Variants in ABCC4 observed in about 807,000 individuals in gnomAD.
ABCC4 encodes the protein ATP binding cassette subfamily C member 4 (PEL blood group), also known as ATP-binding cassette sub-family C member 4.
ABCC4 carries 102 observed loss-of-function variants against 168.5 expected under a neutral mutation model. That is an observed-to-expected ratio of 0.61 (90% CI 0.52 to 0.71). ABCC4 has a LOEUF of 0.71. Ranked by LOEUF, ABCC4 falls within the 30% of genes least tolerant of loss-of-function variation. The probability of loss-of-function intolerance (pLI) is 0.00; values close to 1 mark genes in which losing one functional copy is unlikely to be tolerated. For synonymous variants in ABCC4, 617 were observed against 590.7 expected, an observed-to-expected ratio of 1.04 and a Z score of -0.65; for missense variants, 1,402 against 1,605.8, an observed-to-expected ratio of 0.87 and a Z score of 2.17.
chr13:95,184,759 C>T (rs950582256), intron 11 of ABCC4, among the ~76,000 whole-genome samples: 10 of 152,192 alleles, frequency 6.6e-5, no homozygotes, highest in African/African-American at 2.4e-4. Flanking sequence ...GCCCAGGTTG[C>T]CAAGTGCCAC....
chr13:95,300,016 A>G (rs1259833903), intron 1 of ABCC4, among the ~76,000 whole-genome samples: 1 of 152,082 alleles, frequency 6.6e-6, no homozygotes, highest in Admixed American at 6.6e-5. Flanking sequence ...TAATTTTTGT[A>G]TTTTTAGTAG....
At chr13:95,129,636 G>A (rs923793829) in intron 19 of ABCC4, among the ~76,000 whole-genome samples, 17 of 151,870 alleles carry the variant, frequency 1.1e-4, no homozygotes, top group African/African-American at 3.1e-4. Context: ...GAAAAAATAC[G>A]TACTAGAAAA....
Position 95,110,138 on chromosome 13 carries a change from A to G in ABCC4, c.2535+5784T>C, listed in dbSNP as rs141460336. The stretch of plus-strand genomic sequence containing the variant: ...AGTCTGGCCAACATCGTGAAACCCC[A>G]TCTCTACTAAAAATACAAAAATTAG... On this transcript the variant is annotated intron_variant, in intron 20 of 30. Transcript: ENST00000645237. 3.4e-3 allele frequency among the ~76,000 whole-genome samples: 520 copies of G among 152,042 alleles called. 3 individuals are homozygous for G. Among genetic ancestry groups the G allele is most frequent in the African/African-American group, 0.012 (498 of 41,474 alleles).
chr13:95,134,687 T>A (rs2036083968), intron 19 of ABCC4, among the ~76,000 whole-genome samples: 1 of 151,860 alleles, frequency 6.6e-6, no homozygotes, highest in Non-Finnish European at 1.5e-5. Flanking sequence ...ACCACTGCAC[T>A]CCAGCCTGGG....
chr13:95,236,979 C>T (rs2039791540), intron 3 of ABCC4, among the ~76,000 whole-genome samples: 1 of 152,206 alleles, frequency 6.6e-6, no homozygotes, highest in African/African-American at 2.4e-5. Flanking sequence ...CCTGGGCTAT[C>T]AGCCAGACGC....
intron 19 of ABCC4, among the ~76,000 whole-genome samples, chr13:95,160,862 T>G (rs1430883400): frequency 6.6e-6 from 1 of 152,186 alleles, no homozygotes; most frequent in Admixed American, 6.5e-5. Context: ...TTCAACTACA[T>G]TTAAACATGT....
intron 8 of ABCC4, among the ~76,000 whole-genome samples, chr13:95,197,333 C>T (rs557566005): frequency 3.9e-5 from 6 of 152,322 alleles, no homozygotes; most frequent in African/African-American, 1.4e-4. Flanking sequence ...CTGATTTTAG[C>T]TGAAGTGTAC....
chr13:95,236,602 G>A (rs200474651), intron 3 of ABCC4, among the ~76,000 whole-genome samples: 43 of 76,618 alleles, frequency 5.6e-4, no homozygotes, highest in African/African-American at 1.4e-3. Context: ...GCGCGTGCGC[G>A]CACACACACA....
intron 3 of ABCC4, among the ~76,000 whole-genome samples, chr13:95,237,073 T>C (rs2039794477): frequency 6.6e-6 from 1 of 152,186 alleles, no homozygotes; most frequent in South Asian, 2.1e-4. Context: ...GCTTCTCCAT[T>C]TCAGCCGTAG....
intron 30 of ABCC4, among the ~76,000 whole-genome samples, chr13:95,024,088 T>G (rs1165121207): frequency 6.6e-6 from 1 of 151,590 alleles, no homozygotes; most frequent in Non-Finnish European, 1.5e-5. Context: ...ACGCTTGTAG[T>G]CCCAGCTACT....
At chr13:95,298,788 T>C (rs764406038) in intron 1 of ABCC4, among the ~76,000 whole-genome samples, 14 of 152,114 alleles carry the variant, frequency 9.2e-5, no homozygotes, top group Non-Finnish European at 4.4e-5. Flanking sequence ...CACTTGATTG[T>C]TGTGTGAGTC....
At chr13:95,103,009 G>A (rs2034868372) in intron 20 of ABCC4, among the ~76,000 whole-genome samples, 2 of 151,202 alleles carry the variant, frequency 1.3e-5, no homozygotes, top group Admixed American at 6.6e-5. Context: ...GCTCACGCCT[G>A]TAATCCCAGC....
chr13:95,070,970 G>T (rs540860296), intron 25 of ABCC4, among the ~76,000 whole-genome samples: 1 of 152,150 alleles, frequency 6.6e-6, no homozygotes, highest in African/African-American at 2.4e-5. Flanking sequence ...GGAGGGACCC[G>T]GTGGGAGGTA....
chr13:95,130,802 A>G (rs892467020), intron 19 of ABCC4, among the ~76,000 whole-genome samples: 1 of 151,908 alleles, frequency 6.6e-6, no homozygotes, highest in Non-Finnish European at 1.5e-5. Context: ...ATTTGAACTG[A>G]CTCTTCTCCC....
At chr13:95,288,300 T>C (rs771072000) in intron 1 of ABCC4, among the ~76,000 whole-genome samples, 2 of 152,084 alleles carry the variant, frequency 1.3e-5, no homozygotes, top group East Asian at 1.9e-4. Flanking sequence ...CAACTCTAAA[T>C]TCAAGAAATT....
intron 26 of ABCC4, among the ~76,000 whole-genome samples, chr13:95,058,770 T>G (rs117660245): frequency 2.6e-3 from 401 of 152,226 alleles, no homozygotes; most frequent in South Asian, 9.1e-3. Context: ...CTTAGTTTCC[T>G]TCCTGGAGAA....
rs971304046 is a variant in ABCC4 at position 95,217,492 on chromosome 13, G to A, written c.532-6711C>T. ...CATGCCTGTAATCCTAGCACTTTGG[G>A]AGGCCAGGGAGGGCGGATCACCTTA... On this transcript the variant is annotated intron_variant, in intron 4 of 30. Transcript: ENST00000645237. Among the ~76,000 whole-genome samples the A allele has an allele frequency of 2.6e-5, 4 of 152,110 alleles. No homozygotes were observed. In the East Asian group the frequency reaches 5.8e-4, roughly 22 times the overall value.
chr13:95,151,490 A>AAAGAAG (rs1321943578), intron 19 of ABCC4, among the ~76,000 whole-genome samples: 1 of 148,700 alleles, frequency 6.7e-6, no homozygotes, highest in South Asian at 2.1e-4. Flanking sequence ...AAAAAAAAAA[A>AAAGAAG]AAGAAGAAGA....
intron 1 of ABCC4, among the ~76,000 whole-genome samples, chr13:95,296,395 C>T (rs1594462134): frequency 6.6e-6 from 1 of 152,062 alleles, no homozygotes; most frequent in East Asian, 1.9e-4. Flanking sequence ...GAGGGCCTCA[C>T]ACACCCTTCC....
Sources: gnomAD v4.1 joint callset for allele counts (sites outside exome capture counted in the v4.1 genomes callset) on GRCh38, gnomAD v4.1.1 for gene constraint, MANE v1.5 for transcripts, NCBI Gene and HGNC (gene_info 2026-07-23, HGNC 2026-07-21) for gene names.